The following PACRG variants were observed in gnomAD, a reference collection of about 807,000 sequenced individuals.
PACRG encodes parkin coregulated gene protein.
In PACRG, 29 loss-of-function variants were observed where a neutral mutation model predicts 29.7. That is an observed-to-expected ratio of 0.98 (90% CI 0.73 to 1.33). The LOEUF is 1.33. Among genes scored for constraint, PACRG ranks in the 40% most tolerant of loss-of-function variants. The pLI, the probability that PACRG is intolerant of heterozygous loss-of-function variation, is 0.00. For synonymous variants in PACRG, 116 were observed against 118.7 expected (o/e 0.98, Z 0.15); for missense variants, 279 against 316.2 (o/e 0.88, Z 0.89).
chr6:163,303,596 C>T (rs11964060), intron 4 of PACRG, among the ~76,000 whole-genome samples: 517 of 152,224 alleles, frequency 3.4e-3, no homozygotes, highest in African/African-American at 0.011. Flanking sequence ...TGCTGTTTCG[C>T]GAGCTGGTTG....
In PACRG at chr6:162,810,053, G is replaced by A. The variant is rs561517475; in HGVS notation, c.157-4094G>A. Among the ~76,000 whole-genome samples, 42 of 152,232 alleles carry A rather than the reference G, an allele frequency of 2.8e-4. 1 individual carries two copies. In the South Asian group the frequency reaches 4.8e-3, roughly 17 times the overall value. On this transcript the variant is annotated intron_variant, in intron 1 of 4. Transcript: ENST00000366888. Reference sequence around the variant, plus strand: ...CTGCCCAGGGTAATGAGGCCACACTGTTTATGATGTCAGTGTGGACAATGG... The same window carrying A: ...CTGCCCAGGGTAATGAGGCCACACTATTTATGATGTCAGTGTGGACAATGG...
chr6:163,123,256 C>T (rs181264148), intron 4 of PACRG, among the ~76,000 whole-genome samples: 6 of 152,310 alleles, frequency 3.9e-5, no homozygotes, highest in East Asian at 3.9e-4. Context: ...AAATGCGGGT[C>T]GGCATGATGT....
chr6:162,970,398 C>A (rs1801427704), intron 2 of PACRG, among the ~76,000 whole-genome samples: 1 of 152,124 alleles, frequency 6.6e-6, no homozygotes, highest in Admixed American at 6.5e-5. Context: ...CTTGCAGAAG[C>A]TGACTGCATT....
At chr6:163,184,667 G>A (rs1357357480) in intron 4 of PACRG, among the ~76,000 whole-genome samples, 1 of 152,260 alleles carries the variant, frequency 6.6e-6, no homozygotes, top group South Asian at 2.1e-4. Context: ...CTGTGTTTGA[G>A]AGGAGTTAAC....
chr6:163,276,038 T>TTTTA (rs1784014640), intron 4 of PACRG, among the ~76,000 whole-genome samples: 1 of 150,606 alleles, frequency 6.6e-6, no homozygotes, highest in Non-Finnish European at 1.5e-5. Flanking sequence ...TTTCTTTCTT[T>TTTTA]TTTATTTAGA....
intron 4 of PACRG, among the ~76,000 whole-genome samples, chr6:163,200,337 C>T (rs2128149000): frequency 6.6e-6 from 1 of 152,252 alleles, no homozygotes; most frequent in South Asian, 2.1e-4. Flanking sequence ...AGGATGGGAC[C>T]ACCCAGTGTG....
chr6:163,155,919 C>A (rs1345385818), intron 4 of PACRG, among the ~76,000 whole-genome samples: 1 of 152,228 alleles, frequency 6.6e-6, no homozygotes, highest in African/African-American at 2.4e-5. Context: ...TGTGCTGTTC[C>A]CTCCGTCTGG....
chr6:162,901,622 C>A (rs951257787), intron 2 of PACRG, among the ~76,000 whole-genome samples: 1 of 152,162 alleles, frequency 6.6e-6, no homozygotes, highest in Non-Finnish European at 1.5e-5. Context: ...TCAAAAACAA[C>A]GTATTCAAAT....
chr6:163,124,298 A>G (rs914753493), intron 4 of PACRG, among the ~76,000 whole-genome samples: 6 of 152,008 alleles, frequency 3.9e-5, no homozygotes, highest in Non-Finnish European at 5.9e-5. Context: ...ATGCTGGGGG[A>G]AAAAGGGGAT....
chr6:163,089,778 A>C (rs1488765899), intron 4 of PACRG, among the ~76,000 whole-genome samples: 1 of 152,178 alleles, frequency 6.6e-6, no homozygotes, highest in African/African-American at 2.4e-5. Flanking sequence ...TTACAATTTC[A>C]GTCAGCTTTT....
intron 4 of PACRG, among the ~76,000 whole-genome samples, chr6:163,108,448 G>A (rs748590841): frequency 1.1e-4 from 14 of 127,024 alleles, no homozygotes; most frequent in East Asian, 2.5e-4. Context: ...AGGCTGGAAC[G>A]CAGTGGTGCA....
intron 4 of PACRG, among the ~76,000 whole-genome samples, chr6:163,113,092 G>A (rs1815798686): frequency 6.6e-6 from 1 of 152,082 alleles, no homozygotes; most frequent in Admixed American, 6.5e-5. Flanking sequence ...GAACTAAAAA[G>A]GACGGTAACT....
chr6:162,989,499 A>G (rs936850945), intron 2 of PACRG, among the ~76,000 whole-genome samples: 2 of 152,308 alleles, frequency 1.3e-5, no homozygotes, highest in Middle Eastern at 6.8e-3. Flanking sequence ...ATCCTCCTGT[A>G]TACTTTAAAC....
At chr6:162,797,233 C>A (rs933496545) in intron 1 of PACRG, among the ~76,000 whole-genome samples, 2 of 152,090 alleles carry the variant, frequency 1.3e-5, no homozygotes, top group South Asian at 4.1e-4. Context: ...CGAGATCATT[C>A]CACTGCACTG....
In PACRG at chr6:162,948,406, C is replaced by T. The variant is rs1472910678; in HGVS notation, c.292-113744C>T. ...AAAAACCAATCCAGAATGAATTGAA[C>T]ACTTAAATGTAAGACCTGAAACTAA... On this transcript the variant is annotated intron_variant, in intron 2 of 4. Transcript: ENST00000366888. Among the ~76,000 whole-genome samples the T allele has an allele frequency of 2.0e-5, 3 of 151,982 alleles. 1 individual carries two copies. The highest frequency in any genetic ancestry group is 4.1e-4 in the South Asian group (2 of 4,828).
Position 163,214,562 on chromosome 6 carries a change from ATT to A in PACRG, c.614-100263_614-100262del, listed in dbSNP as rs1350003335. Reference sequence around the variant, plus strand: ...TCATCTTTTAAATCCATTCATATATATTTAATCTTTTTTTAATTTTTATTTTG... The same window carrying A: ...TCATCTTTTAAATCCATTCATATATATAATCTTTTTTTAATTTTTATTTTG... On this transcript the variant is annotated intron_variant, in intron 4 of 4. Transcript: ENST00000366888. Among the ~76,000 whole-genome samples the A allele has an allele frequency of 3.5e-4, 53 of 151,964 alleles. No homozygotes were observed. In the Middle Eastern group the frequency reaches 0.017, roughly 49 times the overall value.
rs1321245945 is a variant in PACRG at position 163,179,304 on chromosome 6, C to T, written c.613+89896C>T. 7 of 454,284 alleles carry T rather than the reference C, an allele frequency of 1.5e-5. No individual in the cohort carries two copies. The East Asian group carries it at 3.5e-4, about 23-fold the overall frequency. The allele number at this position is 454,284 out of a possible 1,614,324, so 28.1% of individuals were successfully genotyped here. A position where few individuals can be genotyped will look rare whatever the true frequency, so the allele number is the denominator to read the frequency against. On this transcript the variant is annotated intron_variant, in intron 4 of 4. Coordinates refer to ENST00000366888, the MANE Select transcript of PACRG (RefSeq NM_001080379.2). ...AACTCAGCCTTCCTTCCCACCACAC[C>T]TGCACCTTGCTGAGCCACTGCTCCC... is the stretch of plus-strand genomic sequence containing the variant.
At chr6:162,854,220 CTATA>C (rs1436949191) in intron 2 of PACRG, among the ~76,000 whole-genome samples, 3 of 145,916 alleles carry the variant, frequency 2.1e-5, no homozygotes, top group Admixed American at 6.9e-5. Flanking sequence ...ATTTTCTTGA[CTATA>C]TATAGTATCC....
chr6:162,750,963 A>T (rs555562476), intron 1 of PACRG, among the ~76,000 whole-genome samples: 2 of 152,272 alleles, frequency 1.3e-5, no homozygotes, highest in East Asian at 1.9e-4. Context: ...GTGAATGCTT[A>T]TGAGTGAGTA....
Sources: gnomAD v4.1 joint callset for allele counts (sites outside exome capture counted in the v4.1 genomes callset) on GRCh38, gnomAD v4.1.1 for gene constraint, MANE v1.5 for transcripts, NCBI Gene and HGNC (gene_info 2026-07-23, HGNC 2026-07-21) for gene names.